HSPA12A: variants seen among roughly 807,000 people sequenced by gnomAD.
The protein encoded by HSPA12A is heat shock 70 kDa protein 12A.
A neutral mutation model predicts 69.2 loss-of-function variants in HSPA12A; 28 were observed. The ratio of observed to expected loss-of-function variants is 0.40; its 90% CI spans 0.30 to 0.55. HSPA12A has a LOEUF of 0.55. HSPA12A is among the 20% of genes least tolerant of loss of function. HSPA12A has a pLI of 0.38. For missense variants in HSPA12A, 686 were observed against 900.7 expected, an observed-to-expected ratio of 0.76 and a Z score of 3.05; for synonymous variants, 345 against 370.5, an observed-to-expected ratio of 0.93 and a Z score of 0.79.
chr10:116,824,728 G>A (rs952503243), intron 2 of HSPA12A, among the ~76,000 whole-genome samples: 5 of 152,180 alleles, frequency 3.3e-5, no homozygotes, highest in Non-Finnish European at 7.3e-5. Context: ...TCCGCCTGCC[G>A]GTTCAAGCAA....
rs2133350384 is a variant in HSPA12A at position 116,674,776 on chromosome 10, G to A, written c.*5C>T. The stretch of plus-strand genomic sequence containing the variant: ...TCCAAGGGGACAGGCAGCGGGGCGG[G>A]AGGGTTAGTAATTTAAGAAGTCGAT... On this transcript the variant is annotated 3_prime_UTR_variant, in exon 12 of 12. Transcript: ENST00000369209. 1 of 1,600,088 alleles carries A rather than the reference G, an allele frequency of 6.2e-7. No individual in the cohort carries two copies. The highest frequency in any genetic ancestry group is 8.5e-7 in the Non-Finnish European group (1 of 1,172,696).
intron 6 of HSPA12A, among the ~76,000 whole-genome samples, 163 bp downstream of exon 6, chr10:116,692,188 T>C (rs740595): frequency 0.52 from 79,600 of 152,024 alleles, 21,253 homozygotes; most frequent in Middle Eastern, 0.65. Context: ...AGGAAAGGGA[T>C]GGCTCCTTGT....
chr10:116,789,784 C>G (rs1263433357), intron 2 of HSPA12A, among the ~76,000 whole-genome samples: 2 of 152,182 alleles, frequency 1.3e-5, no homozygotes, highest in African/African-American at 4.8e-5. Context: ...GGCCTAATGT[C>G]TGCTTCTAGG....
intron 1 of HSPA12A, among the ~76,000 whole-genome samples, chr10:116,729,724 G>T (rs371837927): frequency 6.6e-6 from 1 of 152,206 alleles, no homozygotes; most frequent in African/African-American, 2.4e-5. Flanking sequence ...AAGTGGACCT[G>T]TGCAATTCAA....
intron 2 of HSPA12A, among the ~76,000 whole-genome samples, chr10:116,813,883 G>C (rs1007487335): frequency 6.6e-6 from 1 of 151,972 alleles, no homozygotes; most frequent in African/African-American, 2.4e-5. Context: ...GAGGGACCTT[G>C]TTGCTAAGAA....
At chr10:116,707,379 C>A in intron 1 of HSPA12A, 94 bp from the exon 2 acceptor site, 2 of 948,418 alleles carry the variant, frequency 2.1e-6, no homozygotes, top group South Asian at 1.4e-5. Context: ...CCTCCAGGAA[C>A]TGCGGCCTCT....
At chr10:116,788,443 A>G (rs1052052173) in intron 2 of HSPA12A, among the ~76,000 whole-genome samples, 6 of 152,252 alleles carry the variant, frequency 3.9e-5, no homozygotes, top group Non-Finnish European at 7.3e-5. Flanking sequence ...CTCCCAAAAT[A>G]CAATAGCTTG....
At chr10:116,754,810 T>A (rs1843792720) in intron 2 of HSPA12A, among the ~76,000 whole-genome samples, 2 of 151,902 alleles carry the variant, frequency 1.3e-5, no homozygotes, top group Non-Finnish European at 2.9e-5. Context: ...CACAGTAGAG[T>A]CTATACTTTC....
intron 2 of HSPA12A, among the ~76,000 whole-genome samples, chr10:116,825,051 G>A (rs1845477170): frequency 6.6e-6 from 1 of 151,896 alleles, no homozygotes; most frequent in Non-Finnish European, 1.5e-5. Context: ...AACCGGGTGT[G>A]GTGGTGCACG....
upstream of HSPA12A, among the ~76,000 whole-genome samples, chr10:116,744,009 A>C (rs782300344): frequency 3.3e-5 from 5 of 152,196 alleles, no homozygotes; most frequent in African/African-American, 9.7e-5. Context: ...AAAAATCATT[A>C]AGTCACTGAT....
At chr10:116,701,644 G>A (rs1371491624) in intron 3 of HSPA12A, among the ~76,000 whole-genome samples, 2 of 152,234 alleles carry the variant, frequency 1.3e-5, no homozygotes, top group African/African-American at 4.8e-5. Context: ...CTGAAGAAGA[G>A]ACAGACAACT....
intron 5 of HSPA12A, among the ~76,000 whole-genome samples, chr10:116,697,795 T>C (rs2901119): frequency 0.53 from 79,917 of 151,640 alleles, 21,432 homozygotes; most frequent in Middle Eastern, 0.66. Context: ...ATTTCATCAC[T>C]CCTCAAAGAA....
chr10:116,849,827 C>T, upstream of HSPA12A: 8 of 1,364,984 alleles, frequency 5.9e-6, no homozygotes, highest in South Asian at 1.4e-5. Context: ...GCCTCAGAAT[C>T]TCGCATGCCA....
chr10:116,850,675 G>A (rs377227498), upstream of HSPA12A, among the ~76,000 whole-genome samples: 2 of 152,028 alleles, frequency 1.3e-5, no homozygotes, highest in African/African-American at 4.8e-5. Flanking sequence ...AGGATGTTCC[G>A]CGAATGACTT....
intron 2 of HSPA12A, among the ~76,000 whole-genome samples, chr10:116,797,866 G>A (rs1844864905): frequency 1.3e-5 from 2 of 152,152 alleles, no homozygotes; most frequent in Non-Finnish European, 2.9e-5. Context: ...TCAGTCCCCT[G>A]TAAGGACTGA....
At position 116,793,583 on chromosome 10, in the gene HSPA12A, CAAA is replaced by C. The variant is rs1844747738; in HGVS notation, c.91+41349_91+41351del. On this transcript the variant is annotated intron_variant, in intron 2 of 12. Transcript: ENST00000635765. ...AAGACCCTGTCCCCACTGAAAACAA[CAAA>C]CAAACAAAAAAAACCCACAGAATTA... Among the ~76,000 whole-genome samples, 3 of 9,082 alleles carry C rather than the reference CAAA, an allele frequency of 3.3e-4. No homozygotes were observed. The Non-Finnish European group carries it at 7.5e-3, about 23-fold the overall frequency. The allele number at this position is 9,082 out of a possible 152,430, so 6.0% of individuals were successfully genotyped here.
intron 2 of HSPA12A, among the ~76,000 whole-genome samples, chr10:116,706,898 T>C (rs1850268294): frequency 6.6e-6 from 1 of 152,176 alleles, no homozygotes; most frequent in Admixed American, 6.5e-5. Context: ...CCTGAATCTT[T>C]AAAGGGCTGC....
rs2132965859 is a variant in HSPA12A at position 116,701,039 on chromosome 10, C to T, written c.345G>A (p.Gly115=). The change falls in exon 4 of 12, where the codon GGG becomes GGA. Residue 115 remains glycine (G), a synonymous_variant. Transcript: ENST00000369209. ...CATGGTAAAAGTCCCTGGCGGCATA[C>T]CCGAAGCTGTGGAACTTCCTCTCGG... ...LTPERKFHSF[G]YAARDFYHDL... 2 of 1,614,082 alleles carry T rather than the reference C, an allele frequency of 1.2e-6. No homozygotes were observed. Among genetic ancestry groups the T allele is most frequent in the Non-Finnish European group, 8.5e-7 (1 of 1,180,030 alleles).
Position 116,844,268 on chromosome 10 carries a change from C to T in HSPA12A, c.3+5298G>A, listed in dbSNP as rs1456035900. On this transcript the variant is annotated intron_variant, in intron 1 of 12. Coordinates refer to the HSPA12A transcript ENST00000635765. ...GAAATGATGTAAGTAAACCTCCAGG[C>T]ATACAAAAATGCCCAATCAAAGGTA... 3.3e-5 allele frequency among the ~76,000 whole-genome samples: 5 copies of T among 152,280 alleles called. No homozygotes were observed. In the South Asian group the frequency reaches 1.0e-3, roughly 32 times the overall value.
Sources: gnomAD v4.1 joint callset for allele counts (sites outside exome capture counted in the v4.1 genomes callset) on GRCh38, gnomAD v4.1.1 for gene constraint, MANE v1.5 for transcripts, NCBI Gene and HGNC (gene_info 2026-07-23, HGNC 2026-07-21) for gene names.